Variants in NLRP9 observed in about 807,000 individuals in gnomAD.
NLRP9 encodes the protein NACHT, LRR and PYD domains-containing protein 9.
Under a neutral mutation model 83.1 loss-of-function variants are expected in NLRP9, and 88 were observed. The ratio of observed to expected loss-of-function variants is 1.06; its 90% CI spans 0.89 to 1.26. The LOEUF (loss-of-function observed/expected upper bound fraction) is 1.26. Among genes scored for constraint, NLRP9 ranks in the 50% most tolerant of loss-of-function variants. The probability of loss-of-function intolerance (pLI) is 0.00; values close to 1 mark genes in which losing one functional copy is unlikely to be tolerated. For missense variants in NLRP9, 1,308 were observed against 1,179.3 expected, an observed-to-expected ratio of 1.11 and a Z score of -1.60; for synonymous variants, 521 against 447.6, an observed-to-expected ratio of 1.16 and a Z score of -2.07.
At chr19:55,712,398 A>T in intron 7 of NLRP9, 22 bp downstream of exon 7, 1 of 1,582,706 alleles carries the variant, frequency 6.3e-7, no homozygotes, top group Non-Finnish European at 8.7e-7. Flanking sequence ...TTTTCCTACG[A>T]TGGTGATCAG....
In NLRP9 at chr19:55,733,358, T is replaced by C; in HGVS notation, c.473A>G (p.Lys158Arg). The C allele has an allele frequency of 1.9e-6, 3 of 1,614,170 alleles. No homozygotes were observed. Among genetic ancestry groups the C allele is most frequent in the Non-Finnish European group, 2.5e-6 (3 of 1,180,034 alleles). The change falls in exon 2 of 9, where the codon AAA (lysine) becomes AGA (arginine). Residue 158 changes from lysine (K) to arginine (R), a missense_variant. Lys to Arg is a conservative substitution (Grantham distance 26). Coordinates refer to ENST00000332836, the MANE Select transcript of NLRP9 (RefSeq NM_176820.4). ...CATCACTTTTCTTAAAAGGGTTGTT[T>C]TTCCAATTCCATCAGGACCTTCCAG... is the stretch of plus-strand genomic sequence containing the variant. ...VVLEGPDGIG[K>R]TTLLRKVMLD...
chr19:55,709,381 TA>T (rs36068544), intron 8 of NLRP9: 59,007 of 151,328 alleles, frequency 0.39, 12,132 homozygotes, highest in African/African-American at 0.55. Flanking sequence ...TGTGCTTGCT[TA>T]AAAAAAAAAA....
chr19:55,728,278 T>C (rs1988458578), intron 3 of NLRP9, among the ~76,000 whole-genome samples: 1 of 152,064 alleles, frequency 6.6e-6, no homozygotes, highest in African/African-American at 2.4e-5. Flanking sequence ...AAAGTCCAAG[T>C]TTCAAGACAT....
chr19:55,720,582 A>C (rs550127688), intron 4 of NLRP9, among the ~76,000 whole-genome samples: 66 of 152,264 alleles, frequency 4.3e-4, no homozygotes, highest in African/African-American at 1.6e-3. Context: ...CTCCTGCCTC[A>C]GCCTCCCAAA....
At position 55,727,531 on chromosome 19, in the gene NLRP9, A is replaced by G. The variant is rs553378269; in HGVS notation, c.1994+2300T>C. Among the ~76,000 whole-genome samples the G allele has an allele frequency of 4.6e-5, 7 of 152,324 alleles. No individual in the cohort carries two copies. The East Asian group carries it at 1.3e-3, about 29-fold the overall frequency. The stretch of plus-strand genomic sequence containing the variant: ...CACTAACCACCTCTTCCTTGCTAGT[A>G]TCCCTCACATATCCCATTGAAATTC... On this transcript the variant is annotated intron_variant, in intron 3 of 8. Transcript: ENST00000332836.
At chr19:55,717,057 G>A in intron 4 of NLRP9, among the ~76,000 whole-genome samples, 159 bp from the exon 5 acceptor site, 1 of 136,252 alleles carries the variant, frequency 7.3e-6, no homozygotes, top group Non-Finnish European at 1.5e-5. Context: ...TTTTTGAGAA[G>A]GAATCTCACT....
At chr19:55,722,364 G>GT (rs1568598499) in intron 4 of NLRP9, among the ~76,000 whole-genome samples, 2 of 151,982 alleles carry the variant, frequency 1.3e-5, no homozygotes, top group African/African-American at 2.4e-5. Flanking sequence ...TAGAGTAGAA[G>GT]TTAAAAAAAA....
rs767724356 is a variant in NLRP9, at chr19:55,712,491, T to C, written c.2601A>G (p.Glu867=). The C allele has an allele frequency of 2.2e-5, 35 of 1,612,602 alleles. No homozygotes were observed. The highest frequency in any genetic ancestry group is 3.0e-5 in the Non-Finnish European group (35 of 1,179,786). The change falls in exon 7 of 9, where the codon GAA becomes GAG. Residue 867 remains glutamate, a synonymous_variant. Transcript: ENST00000332836. ...KLKTLKLGHN[E]IGDTGVRQLC... ...ACTGTCTGACACCAGTGTCTCCTATTTCATTATGCCCAAGTTTCAGGGTCT... is the reference window on the plus strand; with the variant it reads ...ACTGTCTGACACCAGTGTCTCCTATCTCATTATGCCCAAGTTTCAGGGTCT...
chr19:55,725,210 A>C (rs1339930363), intron 3 of NLRP9, among the ~76,000 whole-genome samples: 2 of 152,248 alleles, frequency 1.3e-5, no homozygotes, highest in Non-Finnish European at 1.5e-5. Flanking sequence ...AGATATGTAC[A>C]TATTTACCAG....
chr19:55,712,731 GAGA>G (rs1169654766), intron 6 of NLRP9, 141 bp from the exon 7 acceptor site: 3 of 495,328 alleles, frequency 6.1e-6, no homozygotes, highest in Non-Finnish European at 6.9e-6. Context: ...GGAAGGAGGA[GAGA>G]AGAATGAGGG....
chr19:55,712,366 T>C, intron 7 of NLRP9, 54 bp downstream of exon 7: 1 of 1,474,812 alleles, frequency 6.8e-7, no homozygotes, highest in South Asian at 1.2e-5. Context: ...CTCCAGCAAT[T>C]CCTATTCTTG....
Position 55,738,227 on chromosome 19 carries a change from CCTT to C in NLRP9, c.145_147del (p.Lys49del). 6.2e-7 allele frequency: 1 copy of C among 1,614,154 alleles called. No homozygotes were observed. The highest frequency in any genetic ancestry group is 1.1e-5 in the South Asian group (1 of 91,078). ...AGCTTTGCTACATCTTCTTTGGAGGCCTTCTTCAGCTCAGCCCAGGGGATTGGC... is the reference window on the plus strand; with the variant it reads ...AGCTTTGCTACATCTTCTTTGGAGGCCTTCAGCTCAGCCCAGGGGATTGGC... On this transcript the variant is annotated inframe_deletion, in exon 1 of 9. Transcript: ENST00000332836.
rs537706669 is a variant in NLRP9, at chr19:55,732,880, G to A, written c.951C>T (p.Ala317=). 3 of 1,613,934 alleles carry A rather than the reference G, an allele frequency of 1.9e-6. No individual in the cohort carries two copies. In the South Asian group the frequency reaches 3.3e-5, roughly 18 times the overall value. ...CTCTCACAAAATTGAAGACTTTCAG[G>A]GCTTTGCTCTTCTCACCAAAGAAGT... ...FSYFFGEKSK[A]LKVFNFVRDN... is the part of the protein sequence containing the mutation. The change falls in exon 2 of 9, where the codon GCC becomes GCT. Residue 317 remains alanine, a synonymous_variant. Transcript: ENST00000332836.
At chr19:55,731,723 CAAAAAA>C (rs56358571) in intron 2 of NLRP9, among the ~76,000 whole-genome samples, 1 of 108,884 alleles carries the variant, frequency 9.2e-6, no homozygotes, top group African/African-American at 3.5e-5. Flanking sequence ...GACTCCGTCT[CAAAAAA>C]AAAAAAAAAA....
Position 55,731,778 on chromosome 19 carries a change from A to G in NLRP9, c.1832+221T>C, listed in dbSNP as rs372379454. Reference sequence around the variant, plus strand: ...CGCCTCTTAATCTCACACGAGCCCTATGAAGTAGACAAAACTTTTATTTCT... The same window carrying G: ...CGCCTCTTAATCTCACACGAGCCCTGTGAAGTAGACAAAACTTTTATTTCT... On this transcript the variant is annotated intron_variant, in intron 2 of 8. Coordinates refer to ENST00000332836, the MANE Select transcript of NLRP9 (RefSeq NM_176820.4). Among the ~76,000 whole-genome samples, 15 of 151,778 alleles carry G rather than the reference A, an allele frequency of 9.9e-5. No homozygotes were observed. The East Asian group carries it at 1.9e-3, about 20-fold the overall frequency.
intron 3 of NLRP9, among the ~76,000 whole-genome samples, chr19:55,728,011 G>A (rs757305274): frequency 3.9e-5 from 6 of 152,086 alleles, no homozygotes; most frequent in Non-Finnish European, 8.8e-5. Flanking sequence ...TCTCCCCGTG[G>A]GATCACCAGG....
At chr19:55,730,233 C>T (rs144890651) in intron 2 of NLRP9, among the ~76,000 whole-genome samples, 3 of 152,238 alleles carry the variant, frequency 2.0e-5, no homozygotes, top group Admixed American at 6.5e-5. Flanking sequence ...GCAAGAGAAT[C>T]GCTTGAGCTT....
intron 4 of NLRP9, among the ~76,000 whole-genome samples, chr19:55,719,013 A>G (rs1568597090): frequency 6.6e-6 from 1 of 152,174 alleles, no homozygotes; most frequent in Non-Finnish European, 1.5e-5. Context: ...CATTTATTAA[A>G]TTAGGTGAGA....
intron 3 of NLRP9, among the ~76,000 whole-genome samples, chr19:55,729,625 C>A (rs908121280): frequency 2.0e-5 from 3 of 151,980 alleles, no homozygotes; most frequent in Admixed American, 2.0e-4. Flanking sequence ...TTTCTTTATC[C>A]AGTCTATCAT....
Sources: allele counts gnomAD v4.1 joint callset (sites outside exome capture counted in the v4.1 genomes callset), GRCh38; gene constraint gnomAD v4.1.1; transcripts MANE v1.5; gene names NCBI Gene and HGNC (gene_info 2026-07-23, HGNC 2026-07-21).